The following PLCL1 variants were observed in gnomAD, a reference collection of about 807,000 sequenced individuals.
PLCL1 encodes inactive phospholipase C-like protein 1.
A neutral mutation model predicts 84.4 loss-of-function variants in PLCL1; 41 were observed. The ratio of observed to expected loss-of-function variants is 0.49; its 90% CI spans 0.38 to 0.63. The LOEUF (loss-of-function observed/expected upper bound fraction) is 0.63, where lower values mean the gene tolerates loss of function less well. Among genes scored for constraint, PLCL1 ranks in the 30% least tolerant of loss-of-function variants. PLCL1 has a pLI of 0.00. For missense variants in PLCL1, 1,206 were observed against 1,367.8 expected, an observed-to-expected ratio of 0.88 and a Z score of 1.87; for synonymous variants, 490 against 488.3, an observed-to-expected ratio of 1.00 and a Z score of -0.05.
At chr2:197,924,107 G>A in intron 1 of PLCL1, among the ~76,000 whole-genome samples, 1 of 142,690 alleles carries the variant, frequency 7.0e-6, no homozygotes, top group African/African-American at 2.6e-5. Flanking sequence ...GTACAGTCCA[G>A]CTTCGGCTCC....
At chr2:198,058,353 A>G (rs1319445436) in intron 1 of PLCL1, among the ~76,000 whole-genome samples, 1 of 152,074 alleles carries the variant, frequency 6.6e-6, no homozygotes, top group African/African-American at 2.4e-5. Flanking sequence ...CAAATTAAAT[A>G]TATCCCTTCT....
chr2:198,008,855 A>AC (rs1012588222), intron 1 of PLCL1, among the ~76,000 whole-genome samples: 4 of 151,876 alleles, frequency 2.6e-5, no homozygotes, highest in African/African-American at 9.7e-5. Flanking sequence ...CTACATCTTC[A>AC]CCAATGCTTG....
At chr2:197,869,848 C>A (rs937147216) in intron 1 of PLCL1, among the ~76,000 whole-genome samples, 1 of 152,176 alleles carries the variant, frequency 6.6e-6, no homozygotes, top group African/African-American at 2.4e-5. Flanking sequence ...CGGTAAATTT[C>A]ATGGCAAGAC....
intron 1 of PLCL1, among the ~76,000 whole-genome samples, chr2:197,966,936 C>T (rs1258759324): frequency 4.0e-5 from 6 of 151,056 alleles, no homozygotes; most frequent in East Asian, 3.9e-4. Flanking sequence ...CTGCAAGCTC[C>T]GCCTCCTGGG....
chr2:197,941,154 G>A (rs1355480971), intron 1 of PLCL1, among the ~76,000 whole-genome samples: 1 of 152,158 alleles, frequency 6.6e-6, no homozygotes, highest in Non-Finnish European at 1.5e-5. Flanking sequence ...AAAAACAAAT[G>A]TTGCCCTAGA....
chr2:197,959,545 T>G (rs1376189541), intron 1 of PLCL1, among the ~76,000 whole-genome samples: 1 of 152,024 alleles, frequency 6.6e-6, no homozygotes, highest in African/African-American at 2.4e-5. Flanking sequence ...TCACCAGGGA[T>G]TGGGCCAGAT....
intron 5 of PLCL1, among the ~76,000 whole-genome samples, chr2:198,120,200 A>G (rs1693836030): frequency 6.6e-6 from 1 of 151,994 alleles, no homozygotes; most frequent in Admixed American, 6.6e-5. Context: ...TTTTGTGGGT[A>G]CATAGGTGTA....
chr2:197,971,965 C>T (rs1689877159), intron 1 of PLCL1, among the ~76,000 whole-genome samples: 2 of 152,178 alleles, frequency 1.3e-5, no homozygotes, highest in Admixed American at 1.3e-4. Flanking sequence ...CAGAAGTATA[C>T]TGCCAGTACA....
At chr2:198,023,735 A>T (rs1691194633) in intron 1 of PLCL1, among the ~76,000 whole-genome samples, 1 of 152,244 alleles carries the variant, frequency 6.6e-6, no homozygotes, top group African/African-American at 2.4e-5. Flanking sequence ...ATCATTAAAA[A>T]GTCAGGAAAC....
At chr2:197,833,104 G>A (rs996878011) in intron 1 of PLCL1, among the ~76,000 whole-genome samples, 1 of 152,182 alleles carries the variant, frequency 6.6e-6, no homozygotes, top group African/African-American at 2.4e-5. Context: ...TCAGGAGGCT[G>A]AGGCAGAGAA....
rs981132629 is a variant in PLCL1 at position 197,899,729 on chromosome 2, A to G, written c.240+94390A>G. ...CGGCTCACTGCAAGCTCCGCCTCCC[A>G]GGTTCACGCCATTCTCCTGCCTCAG... On this transcript the variant is annotated intron_variant, in intron 1 of 5. Transcript: ENST00000428675. 1.9e-3 allele frequency among the ~76,000 whole-genome samples: 266 copies of G among 142,218 alleles called. 3 individuals carry two copies. The highest frequency in any genetic ancestry group is 6.3e-3 in the African/African-American group (236 of 37,320). The allele number at this position is 142,218 out of a possible 152,430, so 93.3% of individuals were successfully genotyped here. A position where few individuals can be genotyped will look rare whatever the true frequency, so the allele number is the denominator to read the frequency against.
At chr2:197,917,724 G>A (rs1383921673) in intron 1 of PLCL1, among the ~76,000 whole-genome samples, 1 of 152,174 alleles carries the variant, frequency 6.6e-6, no homozygotes, top group Admixed American at 6.5e-5. Context: ...TATGTAAGTG[G>A]ATGATTCTAG....
At position 197,947,249 on chromosome 2, in the gene PLCL1, T is replaced by TAC. The variant is rs1413253970; in HGVS notation, c.241-136508_241-136507insCA. On this transcript the variant is annotated intron_variant, in intron 1 of 5. Transcript: ENST00000428675. ...AGGTGCTTAGATAAATATATATATA[T>TAC]ATATATATATGTATATACACATTAT... Among the ~76,000 whole-genome samples, 3 of 148,548 alleles carry TAC rather than the reference T, an allele frequency of 2.0e-5. No individual in the cohort carries two copies. In the Admixed American group the frequency reaches 2.0e-4, roughly 10 times the overall value.
chr2:198,091,730 TAAAATAAAATAAAATAA>T (rs1693047089), intron 3 of PLCL1, among the ~76,000 whole-genome samples: 1 of 110,002 alleles, frequency 9.1e-6, no homozygotes, highest in African/African-American at 5.2e-5. Context: ...TAAAATAAAA[TAAAATAAAATAAAATAA>T]AATAAAATAA....
intron 1 of PLCL1, among the ~76,000 whole-genome samples, chr2:197,943,666 A>G (rs1364865839): frequency 7.3e-6 from 1 of 136,220 alleles, no homozygotes; most frequent in Non-Finnish European, 1.5e-5. Context: ...TTGTGACTAC[A>G]TAAGTGCTTT....
intron 1 of PLCL1, among the ~76,000 whole-genome samples, chr2:197,830,823 C>T (rs1292126749): frequency 2.0e-5 from 3 of 152,202 alleles, no homozygotes; most frequent in Non-Finnish European, 4.4e-5. Flanking sequence ...CAGAGGATCT[C>T]TCTGCAGAAA....
chr2:197,875,570 G>A (rs925190746), intron 1 of PLCL1, among the ~76,000 whole-genome samples: 1 of 151,994 alleles, frequency 6.6e-6, no homozygotes, highest in East Asian at 1.9e-4. Flanking sequence ...TGCTGTGTGT[G>A]TGATATACTT....
chr2:197,863,263 CT>C (rs1007273179), intron 1 of PLCL1, among the ~76,000 whole-genome samples: 1 of 151,326 alleles, frequency 6.6e-6, no homozygotes, highest in African/African-American at 2.4e-5. Context: ...GATGAAAAGG[CT>C]TGATGCTGTT....
At chr2:197,975,886 C>A (rs1489521246) in intron 1 of PLCL1, among the ~76,000 whole-genome samples, 2 of 152,132 alleles carry the variant, frequency 1.3e-5, no homozygotes, top group East Asian at 3.8e-4. Flanking sequence ...CACACCCCTA[C>A]CCCGCCTCTT....
Sources: allele counts gnomAD v4.1 joint callset (sites outside exome capture counted in the v4.1 genomes callset), GRCh38; gene constraint gnomAD v4.1.1; transcripts MANE v1.5; gene names NCBI Gene and HGNC (gene_info 2026-07-23, HGNC 2026-07-21).